The following IFT122 variants were observed in gnomAD, a reference collection of about 807,000 sequenced individuals.
The protein encoded by IFT122 is intraflagellar transport protein 122 homolog.
IFT122 carries 118 observed loss-of-function variants against 161.6 expected under a neutral mutation model. The observed-to-expected ratio is 0.73, with a 90% CI of 0.63 to 0.85. The LOEUF is 0.85. IFT122 is among the 40% of genes least tolerant of loss of function. The pLI is 0.00. For missense variants in IFT122, 1,381 were observed against 1,579.6 expected (o/e 0.87, Z 2.13); for synonymous variants, 550 against 602.4 (o/e 0.91, Z 1.27).
intron 13 of IFT122, 98 bp downstream of exon 13, chr3:129,480,020 A>T: frequency 6.9e-7 from 1 of 1,450,864 alleles, no homozygotes; most frequent in Non-Finnish European, 9.6e-7. Flanking sequence ...TCAGGGCAGG[A>T]AAAGGGCTTC....
At chr3:129,499,831 A>G (rs1384153409) in intron 18 of IFT122, 71 bp from the exon 19 acceptor site, 6 of 1,589,870 alleles carry the variant, frequency 3.8e-6, no homozygotes, top group East Asian at 2.2e-5. Context: ...CCTTGCTGCT[A>G]GAAAAGCCTG....
intron 21 of IFT122, among the ~76,000 whole-genome samples, chr3:129,504,811 T>C (rs1410647085): frequency 6.6e-6 from 1 of 152,088 alleles, no homozygotes; most frequent in Non-Finnish European, 1.5e-5. Context: ...TGAAGAAATT[T>C]GCCTGAAGTT....
intron 1 of IFT122, among the ~76,000 whole-genome samples, chr3:129,440,954 A>G (rs775615278): frequency 3.9e-5 from 6 of 152,172 alleles, no homozygotes; most frequent in Non-Finnish European, 7.3e-5. Context: ...TAAACCTGAG[A>G]TCTCGTTTCT....
intron 8 of IFT122, among the ~76,000 whole-genome samples, chr3:129,468,430 G>A (rs1046744735): frequency 1.3e-5 from 2 of 151,678 alleles, no homozygotes; most frequent in African/African-American, 2.4e-5. Context: ...TGCAACTTCC[G>A]CCTCCCGGGT....
chr3:129,447,806 A>G (rs987846092), intron 1 of IFT122, among the ~76,000 whole-genome samples: 1 of 152,104 alleles, frequency 6.6e-6, no homozygotes, highest in East Asian at 1.9e-4. Context: ...CACCGCACCC[A>G]GCCTAAAATG....
intron 12 of IFT122, 36 bp from the exon 13 acceptor site, chr3:129,479,749 G>A: frequency 6.2e-7 from 1 of 1,613,464 alleles, no homozygotes; most frequent in South Asian, 1.1e-5. Context: ...CACTTATTCT[G>A]TTGAATTTCC....
rs371135558 is a variant in IFT122, at chr3:129,514,384, G to A, written c.2988-5G>A. ...CCCTGCTGTCCTTAACCCTGTTCAC[G>A]GCAGGAAAATACTCTTCACCTTGGC... On this transcript the variant is annotated splice_region_variant and splice_polypyrimidine_tract_variant and intron_variant, in intron 24 of 29. Transcript: ENST00000348417. The A allele has an allele frequency of 4.0e-5, 64 of 1,613,874 alleles. No homozygotes were observed. Among genetic ancestry groups the A allele is most frequent in the East Asian group, 1.3e-4 (6 of 44,876 alleles).
At chr3:129,517,661 TAGG>T (rs1273396415) in intron 27 of IFT122, 67 bp downstream of exon 27, 4 of 1,586,702 alleles carry the variant, frequency 2.5e-6, no homozygotes, top group African/African-American at 1.3e-5. Context: ...AGGCGGGAAG[TAGG>T]AGGGCCCAGT....
chr3:129,449,992 A>T, intron 2 of IFT122, 55 bp downstream of exon 2: 9 of 1,055,332 alleles, frequency 8.5e-6, no homozygotes, highest in Non-Finnish European at 1.2e-5. Context: ...CCCTCTTGTG[A>T]GTACTCTGAA....
intron 1 of IFT122, among the ~76,000 whole-genome samples, chr3:129,445,657 CTA>C (rs1243035903): frequency 6.6e-6 from 1 of 152,214 alleles, no homozygotes; most frequent in East Asian, 1.9e-4. Context: ...AGCACAGACT[CTA>C]GAGTCAGACC....
At chr3:129,516,501 CATGG>C (rs2083680255) in intron 26 of IFT122, among the ~76,000 whole-genome samples, 1 of 144,420 alleles carries the variant, frequency 6.9e-6, no homozygotes, top group Non-Finnish European at 1.5e-5. Flanking sequence ...TGCACACACA[CATGG>C]AGACTGCCCC....
At chr3:129,453,882 G>A (rs898390435) in intron 3 of IFT122, among the ~76,000 whole-genome samples, 1 of 152,172 alleles carries the variant, frequency 6.6e-6, no homozygotes, top group African/African-American at 2.4e-5. Flanking sequence ...ACAGTTGTGA[G>A]TTCCAACCCC....
chr3:129,477,910 C>T, intron 11 of IFT122, 106 bp from the exon 12 acceptor site: 3 of 900,632 alleles, frequency 3.3e-6, no homozygotes, highest in East Asian at 4.9e-5. Context: ...GAGAGTATCT[C>T]ACTTTAATTG....
At chr3:129,491,113 C>T (rs1388732596) in intron 16 of IFT122, among the ~76,000 whole-genome samples, 2 of 152,190 alleles carry the variant, frequency 1.3e-5, no homozygotes, top group African/African-American at 4.8e-5. Context: ...TCCTCAGTCT[C>T]TTGACAGGAA....
At chr3:129,464,463 A>C (rs139058883) in intron 6 of IFT122, among the ~76,000 whole-genome samples, 172 bp from the exon 7 acceptor site, 6 of 152,346 alleles carry the variant, frequency 3.9e-5, no homozygotes, top group African/African-American at 4.8e-5. Flanking sequence ...ACTAAATAGC[A>C]TTTTAAGTTT....
intron 24 of IFT122, chr3:129,512,709 T>C (rs886326223): frequency 4.3e-6 from 2 of 460,692 alleles, no homozygotes; most frequent in African/African-American, 4.0e-5. Context: ...GTGACTGAAA[T>C]GGAAGAAGCA....
At chr3:129,472,411 T>C (rs1400014537) in intron 9 of IFT122, among the ~76,000 whole-genome samples, 1 of 152,124 alleles carries the variant, frequency 6.6e-6, no homozygotes, top group Non-Finnish European at 1.5e-5. Context: ...ATGATTCTTC[T>C]GCCTTGGCTT....
chr3:129,491,299 G>C (rs112016935), intron 16 of IFT122, among the ~76,000 whole-genome samples: 20,169 of 152,182 alleles, frequency 0.13, 1,714 homozygotes, highest in South Asian at 0.24. Context: ...TGGAGCTGCT[G>C]CCTCCTCTAG....
chr3:129,513,781 A>C, intron 24 of IFT122: 1 of 187,726 alleles, frequency 5.3e-6, no homozygotes, highest in East Asian at 1.4e-4. Flanking sequence ...ATGCGGGAGG[A>C]AGGGCAGGAG....
Sources: allele counts gnomAD v4.1 joint callset (sites outside exome capture counted in the v4.1 genomes callset), GRCh38; gene constraint gnomAD v4.1.1; transcripts MANE v1.5; gene names NCBI Gene and HGNC (gene_info 2026-07-23, HGNC 2026-07-21).